MEGF11: variants seen among roughly 807,000 people sequenced by gnomAD.
MEGF11 encodes the protein multiple epidermal growth factor-like domains protein 11.
A neutral mutation model predicts 146.6 loss-of-function variants in MEGF11; 126 were observed. The observed-to-expected ratio is 0.86, with a 90% confidence interval of 0.74 to 1.00. The LOEUF (loss-of-function observed/expected upper bound fraction) is 1.00. MEGF11 is among the 50% of genes least tolerant of loss of function. The probability of loss-of-function intolerance (pLI) is 0.00; values close to 1 mark genes in which losing one functional copy is unlikely to be tolerated. For missense variants in MEGF11, 1,509 were observed against 1,521.2 expected (o/e 0.99, Z 0.13); for synonymous variants, 532 against 583.4 (o/e 0.91, Z 1.27).
chr15:66,251,402 A>T (rs1375119689), intron 1 of MEGF11, among the ~76,000 whole-genome samples: 1 of 151,998 alleles, frequency 6.6e-6, no homozygotes, highest in African/African-American at 2.4e-5. Context: ...ACTACAAAAC[A>T]ATGGCTCCTC....
chr15:66,076,001 C>A (rs1296323946), intron 5 of MEGF11, among the ~76,000 whole-genome samples: 1 of 152,078 alleles, frequency 6.6e-6, no homozygotes, highest in African/African-American at 2.4e-5. Flanking sequence ...TGCCCGGAAC[C>A]TAGCACAGTG....
chr15:66,245,670 G>A (rs1365081454), intron 1 of MEGF11, among the ~76,000 whole-genome samples: 1 of 152,046 alleles, frequency 6.6e-6, no homozygotes, highest in Non-Finnish European at 1.5e-5. Context: ...TGATATGAAG[G>A]GGAAAGAGAT....
intron 4 of MEGF11, among the ~76,000 whole-genome samples, chr15:66,116,209 C>T (rs906670318): frequency 2.6e-5 from 4 of 152,168 alleles, no homozygotes; most frequent in Non-Finnish European, 5.9e-5. Flanking sequence ...TCTCTCCTGC[C>T]GCGCTTGACT....
chr15:66,036,123 A>G (rs907581891), intron 5 of MEGF11, among the ~76,000 whole-genome samples: 1 of 152,260 alleles, frequency 6.6e-6, no homozygotes, highest in East Asian at 1.9e-4. Context: ...CCTGGGGACA[A>G]CCTTCAACCA....
intron 4 of MEGF11, among the ~76,000 whole-genome samples, chr15:66,099,616 CT>C (rs1157624330): frequency 6.6e-6 from 1 of 152,196 alleles, no homozygotes; most frequent in Non-Finnish European, 1.5e-5. Context: ...CCTGTTTCCC[CT>C]TCTGTAGAAT....
chr15:66,191,408 T>C (rs1394376142), intron 1 of MEGF11, among the ~76,000 whole-genome samples: 1 of 152,204 alleles, frequency 6.6e-6, no homozygotes, highest in East Asian at 1.9e-4. Flanking sequence ...GAAAAATCCA[T>C]TATCTTAACA....
chr15:65,900,235 A>G (rs2078461837), intron 24 of MEGF11, among the ~76,000 whole-genome samples: 8 of 152,210 alleles, frequency 5.3e-5, no homozygotes, highest in Admixed American at 5.2e-4. Context: ...AAATTCTTGG[A>G]TGATCTGTCA....
At chr15:66,018,925 C>T (rs2082994794) in intron 5 of MEGF11, among the ~76,000 whole-genome samples, 3 of 152,166 alleles carry the variant, frequency 2.0e-5, no homozygotes, top group South Asian at 4.1e-4. Context: ...GGAGGAGAAA[C>T]GCAGAAAGAA....
At chr15:65,984,542 A>AAAAAAAAAAAAAAAC (rs2081781776) in intron 5 of MEGF11, among the ~76,000 whole-genome samples, 1 of 149,940 alleles carries the variant, frequency 6.7e-6, no homozygotes, top group Non-Finnish European at 1.5e-5. Flanking sequence ...AAAAAAAAAA[A>AAAAAAAAAAAAAAAC]AAAAAAAAGG....
At chr15:66,084,772 A>G (rs2086033794) in intron 5 of MEGF11, among the ~76,000 whole-genome samples, 1 of 152,176 alleles carries the variant, frequency 6.6e-6, no homozygotes, top group Non-Finnish European at 1.5e-5. Flanking sequence ...ATTTGTAACA[A>G]CTTGAACGGG....
chr15:66,173,664 A>C (rs937694142), intron 1 of MEGF11, among the ~76,000 whole-genome samples: 14 of 152,156 alleles, frequency 9.2e-5, no homozygotes, highest in African/African-American at 3.4e-4. Flanking sequence ...AGTTTCTCCT[A>C]TAGCTGTGAA....
chr15:66,086,591 G>A (rs544280383), intron 5 of MEGF11, among the ~76,000 whole-genome samples: 17 of 152,246 alleles, frequency 1.1e-4, no homozygotes, highest in East Asian at 7.7e-4. Context: ...AGATACGGTC[G>A]TTTTCAGACA....
chr15:66,178,857 C>A (rs2414893), intron 1 of MEGF11, among the ~76,000 whole-genome samples: 33,704 of 152,138 alleles, frequency 0.22, 3,858 homozygotes, highest in South Asian at 0.3. Context: ...AGGTCATTAA[C>A]ATGCTTCAAC....
chr15:66,043,175 T>C (rs2084056503), intron 5 of MEGF11, among the ~76,000 whole-genome samples: 1 of 152,258 alleles, frequency 6.6e-6, no homozygotes, highest in African/African-American at 2.4e-5. Context: ...CTGAGTCTTA[T>C]TCCCTCTGAC....
intron 7 of MEGF11, among the ~76,000 whole-genome samples, chr15:65,974,487 A>G (rs2141634452): frequency 6.6e-6 from 1 of 152,242 alleles, no homozygotes; most frequent in South Asian, 2.1e-4. Context: ...GTGAAACTCC[A>G]TCTCTAGTAA....
chr15:66,178,353 G>A (rs2090448323), intron 1 of MEGF11, among the ~76,000 whole-genome samples: 2 of 152,118 alleles, frequency 1.3e-5, no homozygotes, highest in African/African-American at 2.4e-5. Flanking sequence ...AGAAGGGAGC[G>A]CTGGGCAGTT....
intron 10 of MEGF11, among the ~76,000 whole-genome samples, chr15:65,945,423 C>T (rs2141402449): frequency 6.6e-6 from 1 of 152,024 alleles, no homozygotes; most frequent in African/African-American, 2.4e-5. Flanking sequence ...GGGAGCAGAG[C>T]TACTGAGGGA....
chr15:66,201,725 G>A (rs907949038), intron 1 of MEGF11, among the ~76,000 whole-genome samples: 7 of 149,766 alleles, frequency 4.7e-5, no homozygotes, highest in Admixed American at 1.3e-4. Flanking sequence ...CACAAAGTCA[G>A]GAGGTTGAGA....
At chr15:66,215,226 C>T (rs545573276) in intron 1 of MEGF11, among the ~76,000 whole-genome samples, 1 of 152,168 alleles carries the variant, frequency 6.6e-6, no homozygotes, top group South Asian at 2.1e-4. Context: ...CCTCAGCCAT[C>T]GCTTTGTATC....
Sources: allele counts gnomAD v4.1 joint callset (sites outside exome capture counted in the v4.1 genomes callset), GRCh38; gene constraint gnomAD v4.1.1; transcripts MANE v1.5; gene names NCBI Gene and HGNC (gene_info 2026-07-23, HGNC 2026-07-21).